BMPER: variants seen among roughly 807,000 people sequenced by gnomAD.
The protein encoded by BMPER is BMP-binding endothelial regulator protein.
Under a neutral mutation model 87.3 loss-of-function variants are expected in BMPER, and 45 were observed. The ratio of observed to expected loss-of-function variants is 0.52; its 90% confidence interval spans 0.41 to 0.66. BMPER has a LOEUF of 0.66. BMPER is among the 30% of genes least tolerant of loss of function. The pLI is 0.00. For missense variants in BMPER, 784 were observed against 867.5 expected, an observed-to-expected ratio of 0.90 and a Z score of 1.21; for synonymous variants, 326 against 316.2, an observed-to-expected ratio of 1.03 and a Z score of -0.33.
At chr7:34,144,121 C>T (rs535220437) in intron 14 of BMPER, among the ~76,000 whole-genome samples, 7 of 152,246 alleles carry the variant, frequency 4.6e-5, no homozygotes, top group South Asian at 4.1e-4. Flanking sequence ...AGGGAGGCTT[C>T]TCTACAGATG....
intron 7 of BMPER, among the ~76,000 whole-genome samples, chr7:34,047,136 A>G (rs1337039039): frequency 1.3e-5 from 2 of 152,130 alleles, no homozygotes; most frequent in Non-Finnish European, 2.9e-5. Context: ...AACCTGCTGC[A>G]GCTCACCTTC....
chr7:33,942,645 C>A (rs573588558), intron 3 of BMPER, among the ~76,000 whole-genome samples: 1 of 152,246 alleles, frequency 6.6e-6, no homozygotes, highest in South Asian at 2.1e-4. Flanking sequence ...GAAATGAGAA[C>A]CACATCCCAC....
intron 4 of BMPER, 93 bp downstream of exon 4, chr7:33,966,654 A>G: frequency 1.1e-5 from 13 of 1,229,118 alleles, no homozygotes; most frequent in Non-Finnish European, 1.3e-5. Context: ...AACCCTAAAA[A>G]GGCCAAACAG....
At chr7:34,011,781 A>T (rs1004051439) in intron 6 of BMPER, among the ~76,000 whole-genome samples, 6 of 151,782 alleles carry the variant, frequency 4.0e-5, no homozygotes, top group Admixed American at 3.3e-4. Flanking sequence ...TGAAAGCCAA[A>T]TTCAAATTGC....
intron 6 of BMPER, among the ~76,000 whole-genome samples, chr7:34,023,142 C>T (rs908893478): frequency 6.6e-6 from 1 of 151,954 alleles, no homozygotes; most frequent in Non-Finnish European, 1.5e-5. Flanking sequence ...TCAAATTTTC[C>T]CAAGTCACAC....
At chr7:34,036,467 G>A (rs762418438) in intron 6 of BMPER, among the ~76,000 whole-genome samples, 4 of 152,116 alleles carry the variant, frequency 2.6e-5, no homozygotes, top group Middle Eastern at 3.2e-3. Context: ...GGAGCTGGCT[G>A]TCAGGGCCCT....
At chr7:33,970,197 C>A in intron 4 of BMPER, 132 bp from the exon 5 acceptor site, 2 of 824,504 alleles carry the variant, frequency 2.4e-6, no homozygotes, top group Admixed American at 1.9e-5. Flanking sequence ...GTGTCTCATA[C>A]CTCTCGCCCT....
At chr7:34,087,531 G>A (rs996154591) in intron 13 of BMPER, among the ~76,000 whole-genome samples, 3 of 151,906 alleles carry the variant, frequency 2.0e-5, no homozygotes, top group African/African-American at 7.2e-5. Flanking sequence ...GTGAAGTGGG[G>A]ATAATAAAAG....
chr7:34,071,369 T>A (rs1788733667), intron 11 of BMPER, among the ~76,000 whole-genome samples: 1 of 152,242 alleles, frequency 6.6e-6, no homozygotes, highest in Non-Finnish European at 1.5e-5. Context: ...CTTAGAGTCA[T>A]GTTATAGGCA....
At chr7:34,075,667 G>A (rs528030787) in intron 11 of BMPER, among the ~76,000 whole-genome samples, 17 of 152,146 alleles carry the variant, frequency 1.1e-4, no homozygotes, top group Non-Finnish European at 1.5e-4. Flanking sequence ...TGCCTATCAC[G>A]CCAGGCTTTC....
chr7:33,944,598 A>G (rs1272951790), intron 3 of BMPER, among the ~76,000 whole-genome samples: 1 of 152,226 alleles, frequency 6.6e-6, no homozygotes, highest in East Asian at 1.9e-4. Flanking sequence ...ATACAAGGAA[A>G]GTAAGAGAGA....
intron 13 of BMPER, among the ~76,000 whole-genome samples, chr7:34,139,862 TC>T (rs1428697760): frequency 6.6e-6 from 1 of 152,236 alleles, no homozygotes; most frequent in Non-Finnish European, 1.5e-5. Flanking sequence ...TTAGGTTATT[TC>T]CCTTTTCTTT....
intron 13 of BMPER, among the ~76,000 whole-genome samples, chr7:34,134,178 C>G (rs1790661850): frequency 6.6e-6 from 1 of 152,076 alleles, no homozygotes; most frequent in Non-Finnish European, 1.5e-5. Context: ...TTTAGTTCAC[C>G]AGCCTTACAA....
chr7:34,095,081 C>T (rs980577185), intron 13 of BMPER, among the ~76,000 whole-genome samples: 2 of 152,144 alleles, frequency 1.3e-5, no homozygotes, highest in Non-Finnish European at 2.9e-5. Context: ...TTCCATAATG[C>T]ACTTTTCATA....
chr7:33,971,830 A>G (rs540114936), intron 5 of BMPER, among the ~76,000 whole-genome samples: 4 of 152,342 alleles, frequency 2.6e-5, no homozygotes, highest in Admixed American at 1.3e-4. Context: ...TTTATACACC[A>G]TATAGATTTA....
intron 2 of BMPER, among the ~76,000 whole-genome samples, chr7:33,920,644 T>C (rs2128604422): frequency 6.6e-6 from 1 of 152,056 alleles, no homozygotes; most frequent in Admixed American, 6.5e-5. Flanking sequence ...CAGGCTGGTC[T>C]TGAACTCCTG....
intron 6 of BMPER, among the ~76,000 whole-genome samples, chr7:34,026,790 T>C (rs1336501019): frequency 6.6e-6 from 1 of 152,116 alleles, no homozygotes; most frequent in Non-Finnish European, 1.5e-5. Context: ...CTTCATTTTT[T>C]ACCCACACAA....
chr7:34,031,697 A>C (rs890727729), intron 6 of BMPER, among the ~76,000 whole-genome samples: 6 of 151,702 alleles, frequency 4.0e-5, no homozygotes, highest in African/African-American at 1.5e-4. Flanking sequence ...TTAATTGATA[A>C]CACTTATAGA....
chr7:34,111,482 G>A (rs1789960864), intron 13 of BMPER, among the ~76,000 whole-genome samples: 1 of 152,220 alleles, frequency 6.6e-6, no homozygotes, highest in South Asian at 2.1e-4. Context: ...AGGCAGTTGG[G>A]TGGTCTATGG....
Sources: gnomAD v4.1 joint callset for allele counts (sites outside exome capture counted in the v4.1 genomes callset) on GRCh38, gnomAD v4.1.1 for gene constraint, MANE v1.5 for transcripts, NCBI Gene and HGNC (gene_info 2026-07-23, HGNC 2026-07-21) for gene names.